DPH6: variants seen among roughly 807,000 people sequenced by gnomAD.
DPH6 encodes diphthine--ammonia ligase.
DPH6 carries 33 observed loss-of-function variants against 38.2 expected under a neutral mutation model. That is an observed-to-expected ratio of 0.86 (90% CI 0.65 to 1.15). The LOEUF (loss-of-function observed/expected upper bound fraction) is 1.15. DPH6 is among the 50% of genes most tolerant of loss of function. DPH6 has a pLI of 0.00. For missense variants in DPH6, 325 were observed against 320.0 expected (o/e 1.02, Z -0.12); for synonymous variants, 108 against 103.0 (o/e 1.05, Z -0.30).
intron 7 of DPH6, among the ~76,000 whole-genome samples, chr15:35,378,368 C>T (rs550935811): frequency 1.3e-5 from 2 of 152,310 alleles, no homozygotes; most frequent in African/African-American, 4.8e-5. Context: ...AACAATTTTA[C>T]ACTGTTGGTG....
At chr15:35,165,768 C>T in the DPH6 span, among the ~76,000 whole-genome samples, 4 of 151,916 alleles carry the variant, frequency 2.6e-5, no homozygotes, top group South Asian at 4.1e-4. Context: ...AAGTCTACTT[C>T]GCCAGCTAAT....
At chr15:35,219,710 T>C (rs989537578) in exon 4 of DPH6, 1 of 152,162 alleles carries the variant, frequency 6.6e-6, no homozygotes, top group African/African-American at 2.4e-5. Flanking sequence ...TCATAACAAG[T>C]ACATTGACAA....
intron 6 of DPH6, among the ~76,000 whole-genome samples, chr15:35,405,608 T>G (rs1200075057): frequency 6.6e-6 from 1 of 152,128 alleles, no homozygotes; most frequent in Non-Finnish European, 1.5e-5. Flanking sequence ...TTTGTTGGTC[T>G]CTTTAGGTTT....
At chr15:35,480,360 T>C (rs2054312056) in intron 3 of DPH6, among the ~76,000 whole-genome samples, 1 of 152,082 alleles carries the variant, frequency 6.6e-6, no homozygotes, top group African/African-American at 2.4e-5. Context: ...AGGATGACCT[T>C]CATCAGAGAC....
chr15:35,157,090 C>T, the DPH6 span, among the ~76,000 whole-genome samples: 1 of 152,158 alleles, frequency 6.6e-6, no homozygotes, highest in Non-Finnish European at 1.5e-5. Context: ...TGGGATGGGA[C>T]TAAGGCTGAG....
At chr15:35,158,119 G>A in the DPH6 span, among the ~76,000 whole-genome samples, 1 of 152,194 alleles carries the variant, frequency 6.6e-6, no homozygotes, top group Admixed American at 6.6e-5. Context: ...CAGTTGTGAT[G>A]CCTTCCTGTC....
At chr15:35,167,359 A>C in the DPH6 span, among the ~76,000 whole-genome samples, 1 of 151,926 alleles carries the variant, frequency 6.6e-6, no homozygotes, top group Non-Finnish European at 1.5e-5. Flanking sequence ...TAGCATTTCC[A>C]CTTTATAGAA....
intron 3 of DPH6, among the ~76,000 whole-genome samples, chr15:35,509,885 A>G (rs1333119318): frequency 6.6e-6 from 1 of 152,192 alleles, no homozygotes; most frequent in African/African-American, 2.4e-5. Context: ...TTCCTCAACA[A>G]TGTTGTAAAC....
chr15:35,442,975 A>G (rs2053807144), intron 5 of DPH6, among the ~76,000 whole-genome samples: 2 of 152,192 alleles, frequency 1.3e-5, no homozygotes, highest in Admixed American at 1.3e-4. Flanking sequence ...TGATTGCACA[A>G]CCTGTGAATA....
the DPH6 span, among the ~76,000 whole-genome samples, chr15:35,203,433 C>T: frequency 5.9e-5 from 9 of 151,568 alleles, no homozygotes; most frequent in East Asian, 3.9e-4. Flanking sequence ...ATTTGACCCA[C>T]GTTAAATATT....
chr15:35,153,850 T>C, the DPH6 span, among the ~76,000 whole-genome samples: 1 of 152,086 alleles, frequency 6.6e-6, no homozygotes, highest in Non-Finnish European at 1.5e-5. Context: ...GATTTTGTTG[T>C]GAAAATCTGG....
chr15:35,270,046 G>A (rs1006344278), intron 3 of DPH6, among the ~76,000 whole-genome samples: 17 of 151,600 alleles, frequency 1.1e-4, no homozygotes, highest in Non-Finnish European at 2.2e-4. Context: ...TGATCCGCCC[G>A]CCTCGGCCTC....
chr15:35,546,057 G>A, intron 1 of DPH6, 62 bp downstream of exon 1: 1 of 1,301,960 alleles, frequency 7.7e-7, no homozygotes, highest in Non-Finnish European at 9.9e-7. Flanking sequence ...CGGCGCTAGC[G>A]GCGGCTGGAA....
At chr15:35,262,532 C>G (rs1566853697) in intron 3 of DPH6, among the ~76,000 whole-genome samples, 1 of 151,860 alleles carries the variant, frequency 6.6e-6, no homozygotes, top group Non-Finnish European at 1.5e-5. Flanking sequence ...CGGTGAAACC[C>G]CGTCTCTACT....
intron 3 of DPH6, among the ~76,000 whole-genome samples, chr15:35,527,345 T>C (rs1424030036): frequency 2.0e-5 from 3 of 152,132 alleles, no homozygotes; most frequent in Non-Finnish European, 2.9e-5. Context: ...ATTTTATAGA[T>C]GGAGCAACTG....
At chr15:35,347,215 C>A (rs1228421122) in intron 3 of DPH6, among the ~76,000 whole-genome samples, 2 of 152,146 alleles carry the variant, frequency 1.3e-5, no homozygotes, top group African/African-American at 4.8e-5. Context: ...ACTATAGCTA[C>A]CACATATACT....
intron 3 of DPH6, among the ~76,000 whole-genome samples, chr15:35,510,520 C>T (rs994232711): frequency 5.9e-5 from 9 of 152,130 alleles, no homozygotes; most frequent in Middle Eastern, 3.2e-3. Flanking sequence ...CATTTTAATT[C>T]AGTTGTCCAT....
chr15:35,426,727 T>C lies in DPH6; in HGVS notation c.506-15831A>G, dbSNP rs137871033. ...TTAAAAATCTGAAGAAAAAATCTGG[T>C]TAGCAGCCCTCTGAGAGAAAAGTAA... is the stretch of plus-strand genomic sequence containing the variant. On this transcript the variant is annotated intron_variant, in intron 5 of 8. Coordinates refer to ENST00000256538, the MANE Select transcript of DPH6 (RefSeq NM_080650.4). 5.3e-5 allele frequency among the ~76,000 whole-genome samples: 8 copies of C among 151,692 alleles called. No homozygotes were observed. In the East Asian group the frequency reaches 1.5e-3, roughly 29 times the overall value.
At chr15:35,543,953 A>C (rs2055303385) in intron 1 of DPH6, among the ~76,000 whole-genome samples, 1 of 152,214 alleles carries the variant, frequency 6.6e-6, no homozygotes, top group Non-Finnish European at 1.5e-5. Context: ...CAACATTTCA[A>C]ATATGGTTTT....
Sources: gnomAD v4.1 joint callset for allele counts (sites outside exome capture counted in the v4.1 genomes callset) on GRCh38, gnomAD v4.1.1 for gene constraint, MANE v1.5 for transcripts, NCBI Gene and HGNC (gene_info 2026-07-23, HGNC 2026-07-21) for gene names.